The following TNPO1 variants were observed in gnomAD, a reference collection of about 807,000 sequenced individuals.
TNPO1 encodes transportin 1, also known as transportin-1.
TNPO1 carries 8 observed loss-of-function variants against 119.5 expected under a neutral mutation model. The observed-to-expected ratio is 0.07, with a 90% CI of 0.04 to 0.12. The LOEUF is 0.12. Ranked by LOEUF, TNPO1 falls within the 10% of genes least tolerant of loss-of-function variation. The pLI is 1.00. For synonymous variants in TNPO1, 362 were observed against 363.0 expected, an observed-to-expected ratio of 1.00 and a Z score of 0.03; for missense variants, 576 against 1,089.8, an observed-to-expected ratio of 0.53 and a Z score of 6.64.
At chr5:72,901,153 T>A in intron 22 of TNPO1, 80 bp downstream of exon 22, 1 of 832,874 alleles carries the variant, frequency 1.2e-6, no homozygotes, top group Non-Finnish European at 1.8e-6. Flanking sequence ...ACTTTAATTA[T>A]AAAAAGTTAA....
chr5:72,889,703 A>G, intron 13 of TNPO1, 83 bp from the exon 14 acceptor site: 1 of 1,450,970 alleles, frequency 6.9e-7, no homozygotes, highest in South Asian at 1.5e-5. Context: ...TGATTGGGTA[A>G]AACAGAACAT....
intron 1 of TNPO1, among the ~76,000 whole-genome samples, chr5:72,821,691 A>G (rs1189557780): frequency 1.3e-5 from 2 of 152,228 alleles, no homozygotes; most frequent in Non-Finnish European, 2.9e-5. Context: ...AACAAGTTCA[A>G]TAAGTGTATT....
At chr5:72,826,830 C>T (rs1390442392) in intron 1 of TNPO1, among the ~76,000 whole-genome samples, 1 of 152,090 alleles carries the variant, frequency 6.6e-6, no homozygotes, top group Non-Finnish European at 1.5e-5. Context: ...TAAAGTACTT[C>T]TGGGGAGGGG....
intron 1 of TNPO1, 58 bp from the exon 2 acceptor site, chr5:72,848,327 C>A (rs986882558): frequency 5.9e-6 from 9 of 1,534,660 alleles, no homozygotes; most frequent in Non-Finnish European, 7.9e-6. Context: ...AGCCTCTGGG[C>A]CTGTGCACCG....
In TNPO1 at chr5:72,911,872, T is replaced by C. The variant is rs374257597; in HGVS notation, c.*3199T>C. 4.6e-5 allele frequency: 7 copies of C among 152,676 alleles called. No homozygotes were observed. The East Asian group carries it at 1.2e-3, about 25-fold the overall frequency. The allele number at this position is 152,676 out of a possible 1,614,324, so 9.5% of individuals were successfully genotyped here. A position where few individuals can be genotyped will look rare whatever the true frequency, so the allele number is the denominator to read the frequency against. ...TTTTTCCTGTTTGAGCTTCTCTCTT[T>C]GAAGGATTCTAACAGAACAAAGCTG... On this transcript the variant is annotated 3_prime_UTR_variant, in exon 25 of 25. Coordinates refer to ENST00000337273, the MANE Select transcript of TNPO1 (RefSeq NM_002270.4).
At chr5:72,884,615 C>G (rs1395523706) in intron 11 of TNPO1, among the ~76,000 whole-genome samples, 1 of 152,076 alleles carries the variant, frequency 6.6e-6, no homozygotes, top group African/African-American at 2.4e-5. Context: ...GCATTCTGGC[C>G]CACGCTTCCT....
chr5:72,893,075 C>G, intron 15 of TNPO1, 64 bp from the exon 16 acceptor site: 1 of 1,290,150 alleles, frequency 7.8e-7, no homozygotes. Context: ...AGCGCAGTTT[C>G]AAGCATTCAT....
intron 1 of TNPO1, among the ~76,000 whole-genome samples, chr5:72,826,495 A>G (rs563975450): frequency 6.6e-6 from 1 of 152,310 alleles, no homozygotes; most frequent in Non-Finnish European, 1.5e-5. Context: ...CTGCAAGAAT[A>G]CAAGCTCCAA....
intron 1 of TNPO1, among the ~76,000 whole-genome samples, chr5:72,837,303 G>A (rs1026462370): frequency 1.3e-5 from 2 of 152,164 alleles, no homozygotes; most frequent in Non-Finnish European, 2.9e-5. Flanking sequence ...CTGGCTTTCT[G>A]CTTTGTAAGT....
intron 1 of TNPO1, among the ~76,000 whole-genome samples, chr5:72,822,745 G>A (rs1409159944): frequency 6.6e-6 from 1 of 151,128 alleles, no homozygotes; most frequent in East Asian, 2.0e-4. Flanking sequence ...GGCACACATC[G>A]CCATGCCCAG....
Position 72,855,141 on chromosome 5 carries a change from A to G in TNPO1, c.206-633A>G, listed in dbSNP as rs191670809. ...CTCCCAAGCAGCTTGGATTAAAGGC[A>G]CACACCACCATGCCTGGCTAATTTG... On this transcript the variant is annotated intron_variant, in intron 3 of 24. Transcript: ENST00000337273. Among the ~76,000 whole-genome samples the G allele has an allele frequency of 2.0e-3, 301 of 152,170 alleles. 2 individuals carry two copies. Among genetic ancestry groups the G allele is most frequent in the African/African-American group, 7.0e-3 (291 of 41,522 alleles).
intron 1 of TNPO1, among the ~76,000 whole-genome samples, chr5:72,841,827 A>C (rs1344620092): frequency 6.6e-6 from 1 of 151,818 alleles, no homozygotes; most frequent in Non-Finnish European, 1.5e-5. Flanking sequence ...CTCTTTTTAG[A>C]TCATTGGATA....
chr5:72,860,138 A>G (rs1390887880), intron 4 of TNPO1, among the ~76,000 whole-genome samples: 2 of 152,146 alleles, frequency 1.3e-5, no homozygotes, highest in African/African-American at 4.8e-5. Context: ...TATCATTGAG[A>G]GCAACCTTCT....
intron 9 of TNPO1, among the ~76,000 whole-genome samples, chr5:72,881,065 C>T (rs1748206861): frequency 6.6e-6 from 1 of 151,998 alleles, no homozygotes; most frequent in Non-Finnish European, 1.5e-5. Context: ...ATCTGCCACC[C>T]CATTCCAAGG....
intron 6 of TNPO1, among the ~76,000 whole-genome samples, chr5:72,869,333 G>A (rs1215527960): frequency 6.6e-6 from 1 of 151,946 alleles, no homozygotes; most frequent in East Asian, 1.9e-4. Flanking sequence ...GATCACCTGA[G>A]GTCAGGAGTT....
chr5:72,820,638 C>A (rs972436336), intron 1 of TNPO1, among the ~76,000 whole-genome samples: 1 of 152,122 alleles, frequency 6.6e-6, no homozygotes, highest in African/African-American at 2.4e-5. Context: ...GGGCTCAGAG[C>A]GTTCGAGCCT....
intron 13 of TNPO1, 22 bp from the exon 14 acceptor site, chr5:72,889,764 C>CT (rs76051655): frequency 0.072 from 87,593 of 1,214,478 alleles, 13 homozygotes; most frequent in Non-Finnish European, 0.077. Context: ...AATAAGTATT[C>CT]TTTTTTTTTT....
chr5:72,875,190 G>GA (rs1259159817), intron 7 of TNPO1, among the ~76,000 whole-genome samples: 1 of 152,138 alleles, frequency 6.6e-6, no homozygotes, highest in Non-Finnish European at 1.5e-5. Flanking sequence ...GGTTAAGTTA[G>GA]AAAATCAGTG....
intron 5 of TNPO1, among the ~76,000 whole-genome samples, chr5:72,864,886 G>A (rs1206991264): frequency 2.0e-5 from 3 of 152,230 alleles, no homozygotes; most frequent in African/African-American, 7.2e-5. Context: ...TGGGATTACA[G>A]GCTTGAGCCA....
Sources: allele counts gnomAD v4.1 joint callset (sites outside exome capture counted in the v4.1 genomes callset), GRCh38; gene constraint gnomAD v4.1.1; transcripts MANE v1.5; gene names NCBI Gene and HGNC (gene_info 2026-07-23, HGNC 2026-07-21).